GABRA4: variants seen among roughly 807,000 people sequenced by gnomAD.
The protein encoded by GABRA4 is gamma-aminobutyric acid type A receptor subunit alpha4.
A neutral mutation model predicts 49.7 loss-of-function variants in GABRA4; 12 were observed. The observed-to-expected ratio is 0.24, with a 90% CI of 0.15 to 0.39. GABRA4 has a LOEUF of 0.39. Ranked by LOEUF, GABRA4 falls within the 10% of genes least tolerant of loss-of-function variation. The pLI, the probability that GABRA4 is intolerant of heterozygous loss-of-function variation, is 1.00. For missense variants in GABRA4, 506 were observed against 686.0 expected, an observed-to-expected ratio of 0.74 and a Z score of 2.93; for synonymous variants, 288 against 240.2, an observed-to-expected ratio of 1.20 and a Z score of -1.84.
At position 46,927,407 on chromosome 4, in the gene GABRA4, G is replaced by A. The variant is rs1721266964; in HGVS notation, c.*818C>T. ...TCCTCTGCTAGTTTATGGTTCTTTGGCATGCATTGACTGTTCTACTTTTTA... is the reference window on the plus strand; with the variant it reads ...TCCTCTGCTAGTTTATGGTTCTTTGACATGCATTGACTGTTCTACTTTTTA... On this transcript the variant is annotated 3_prime_UTR_variant, in exon 9 of 9. Coordinates refer to ENST00000264318, the MANE Select transcript of GABRA4 (RefSeq NM_000809.4). 1 of 152,414 alleles carries A rather than the reference G, an allele frequency of 6.6e-6. No individual in the cohort carries two copies. The highest frequency in any genetic ancestry group is 2.1e-4 in the South Asian group (1 of 4,826). The allele number at this position is 152,414 out of a possible 1,614,324, so 9.4% of individuals were successfully genotyped here.
chr4:46,976,439 G>C (rs187484231), intron 5 of GABRA4, among the ~76,000 whole-genome samples: 13 of 148,722 alleles, frequency 8.7e-5, no homozygotes, highest in Admixed American at 6.7e-4. Context: ...CCTTCCAAAG[G>C]CTTCCCATAG....
Position 46,925,337 on chromosome 4 carries a change from A to G in GABRA4, c.*2888T>C, listed in dbSNP as rs1721181426. ...ATGCACAAGTGCAAGTCATTTTAAA[A>G]TGTGGATTAATCATGTAAATATATG... On this transcript the variant is annotated 3_prime_UTR_variant, in exon 9 of 9. Coordinates refer to ENST00000264318, the MANE Select transcript of GABRA4 (RefSeq NM_000809.4). The G allele has an allele frequency of 6.6e-6, 1 of 151,978 alleles. No individual in the cohort carries two copies. The highest frequency in any genetic ancestry group is 2.4e-5 in the African/African-American group (1 of 41,434). The allele number at this position is 151,978 out of a possible 1,614,324, so 9.4% of individuals were successfully genotyped here. A position where few individuals can be genotyped will look rare whatever the true frequency, so the allele number is the denominator to read the frequency against.
intron 8 of GABRA4, among the ~76,000 whole-genome samples, chr4:46,962,240 G>A (rs980133033): frequency 6.6e-6 from 1 of 151,036 alleles, no homozygotes; most frequent in Admixed American, 6.7e-5. Flanking sequence ...TATTAGAACG[G>A]ATAAGCAAAT....
At chr4:46,944,401 A>G (rs751931206) in intron 8 of GABRA4, among the ~76,000 whole-genome samples, 1 of 152,144 alleles carries the variant, frequency 6.6e-6, no homozygotes, top group Non-Finnish European at 1.5e-5. Context: ...ATGAGCACAC[A>G]GTGGTAAACC....
At chr4:46,959,080 G>T (rs111602200) in intron 8 of GABRA4, among the ~76,000 whole-genome samples, 1 of 151,838 alleles carries the variant, frequency 6.6e-6, no homozygotes, top group African/African-American at 2.4e-5. Context: ...CTAGTTATAC[G>T]TTGTAACATT....
chr4:46,945,535 A>C (rs1454759386), intron 8 of GABRA4, among the ~76,000 whole-genome samples: 1 of 152,124 alleles, frequency 6.6e-6, no homozygotes, highest in Non-Finnish European at 1.5e-5. Flanking sequence ...TTTATTGAAA[A>C]GCTGATTTTT....
chr4:46,960,526 A>T (rs2109368943), intron 8 of GABRA4, among the ~76,000 whole-genome samples: 1 of 151,888 alleles, frequency 6.6e-6, no homozygotes, highest in South Asian at 2.1e-4. Context: ...GTAACATTCA[A>T]ATCTGTATAG....
intron 8 of GABRA4, among the ~76,000 whole-genome samples, chr4:46,942,521 A>T (rs1413272526): frequency 6.6e-6 from 1 of 151,618 alleles, no homozygotes; most frequent in East Asian, 1.9e-4. Context: ...GCTACTTGGG[A>T]GGCTGAGGCA....
At position 46,979,029 on chromosome 4, in the gene GABRA4, A is replaced by T; in HGVS notation, c.273+2T>A. 1 of 1,600,558 alleles carries T rather than the reference A, an allele frequency of 6.2e-7. No homozygotes were observed. Among genetic ancestry groups the T allele is most frequent in the Non-Finnish European group, 8.6e-7 (1 of 1,168,712 alleles). ...GGTACATTAAACTTCGAAAATACCT[A>T]CCATTTCAACATCAGAAACAGGTCC... On this transcript the variant is annotated splice_donor_variant, in intron 3 of 8. Coordinates refer to ENST00000264318, the MANE Select transcript of GABRA4 (RefSeq NM_000809.4). LOFTEE classifies it high-confidence loss of function.
At chr4:46,970,666 G>A (rs950966150) in intron 7 of GABRA4, among the ~76,000 whole-genome samples, 7 of 151,422 alleles carry the variant, frequency 4.6e-5, no homozygotes, top group African/African-American at 1.7e-4. Flanking sequence ...TTCATTAAAA[G>A]CTAAATTATT....
At chr4:46,983,312 C>T (rs566820353) in intron 2 of GABRA4, among the ~76,000 whole-genome samples, 22 of 152,196 alleles carry the variant, frequency 1.4e-4, no homozygotes, top group Non-Finnish European at 2.2e-4. Context: ...TTTCTCAAAG[C>T]GCTTTTCATG....
At chr4:46,951,317 T>C (rs1423698405) in intron 8 of GABRA4, among the ~76,000 whole-genome samples, 5 of 150,192 alleles carry the variant, frequency 3.3e-5, no homozygotes, top group African/African-American at 7.3e-5. Flanking sequence ...GTATTTATAA[T>C]TAATATTTTA....
chr4:46,984,660 C>T (rs1253532371), intron 2 of GABRA4, among the ~76,000 whole-genome samples: 3 of 151,822 alleles, frequency 2.0e-5, no homozygotes, highest in Non-Finnish European at 2.9e-5. Context: ...AGAAAATTAT[C>T]GTAGCCAATA....
At chr4:46,938,189 A>G (rs1012026681) in intron 8 of GABRA4, among the ~76,000 whole-genome samples, 2 of 152,146 alleles carry the variant, frequency 1.3e-5, no homozygotes, top group Admixed American at 6.6e-5. Flanking sequence ...CAGCATCCAC[A>G]TTATCCTATG....
chr4:46,973,795 T>C (rs748792657), intron 6 of GABRA4, among the ~76,000 whole-genome samples: 29 of 151,738 alleles, frequency 1.9e-4, no homozygotes, highest in Admixed American at 6.6e-4. Flanking sequence ...TGTAATTAAG[T>C]TTTAGATTTT....
At chr4:46,992,445 G>T (rs1045803697) in intron 2 of GABRA4, among the ~76,000 whole-genome samples, 2 of 152,180 alleles carry the variant, frequency 1.3e-5, no homozygotes, top group African/African-American at 4.8e-5. Context: ...GAGGGACTTC[G>T]GTTCAGCTGC....
chr4:46,937,927 C>T (rs1721654090), intron 8 of GABRA4, among the ~76,000 whole-genome samples: 1 of 152,130 alleles, frequency 6.6e-6, no homozygotes, highest in Non-Finnish European at 1.5e-5. Flanking sequence ...GTGATTATGA[C>T]TCACTCATAA....
At chr4:46,969,242 C>T (rs1722867842) in intron 7 of GABRA4, among the ~76,000 whole-genome samples, 1 of 151,528 alleles carries the variant, frequency 6.6e-6, no homozygotes, top group Non-Finnish European at 1.5e-5. Flanking sequence ...CTGTTCTACA[C>T]ACTCTTTAGG....
intron 8 of GABRA4, among the ~76,000 whole-genome samples, chr4:46,957,157 T>C (rs1722394533): frequency 6.6e-6 from 1 of 151,920 alleles, no homozygotes; most frequent in African/African-American, 2.4e-5. Context: ...TTCCAGTAGA[T>C]TATATTATTA....
Sources: gnomAD v4.1 joint callset for allele counts (sites outside exome capture counted in the v4.1 genomes callset) on GRCh38, gnomAD v4.1.1 for gene constraint, MANE v1.5 for transcripts, NCBI Gene and HGNC (gene_info 2026-07-23, HGNC 2026-07-21) for gene names.